The following SPPL2A variants were observed in gnomAD, a reference collection of about 807,000 sequenced individuals.
SPPL2A encodes signal peptide peptidase-like 2A.
Under a neutral mutation model 63.8 loss-of-function variants are expected in SPPL2A, and 51 were observed. The ratio of observed to expected loss-of-function variants is 0.80; its 90% CI spans 0.64 to 1.01. The LOEUF (loss-of-function observed/expected upper bound fraction) is 1.01, where lower values mean the gene tolerates loss of function less well. Ranked by LOEUF, SPPL2A falls within the 50% of genes least tolerant of loss-of-function variation. The pLI is 0.00. For synonymous variants in SPPL2A, 188 were observed against 205.8 expected, an observed-to-expected ratio of 0.91 and a Z score of 0.74; for missense variants, 553 against 622.7, an observed-to-expected ratio of 0.89 and a Z score of 1.19.
In SPPL2A at chr15:50,707,732, A is replaced by T. The variant is rs2062521766; in HGVS notation, c.*68T>A. The T allele has an allele frequency of 2.4e-6, 2 of 825,440 alleles. No homozygotes were observed. The highest frequency in any genetic ancestry group is 4.1e-6 in the Non-Finnish European group (2 of 483,704). The allele number at this position is 825,440 out of a possible 1,614,324, so 51.1% of individuals were successfully genotyped here. On this transcript the variant is annotated 3_prime_UTR_variant, in exon 15 of 15. Transcript: ENST00000261854. Reference sequence around the variant, plus strand: ...GACTCTTTCAGATTGTCAATTCAAAAGTCAATTTAAAAAGTCGAAGTCTAT... The same window carrying T: ...GACTCTTTCAGATTGTCAATTCAAATGTCAATTTAAAAAGTCGAAGTCTAT...
intron 14 of SPPL2A, among the ~76,000 whole-genome samples, chr15:50,709,005 C>G (rs1474902444): frequency 6.6e-6 from 1 of 151,848 alleles, no homozygotes; most frequent in East Asian, 1.9e-4. Context: ...CTACTGCGCT[C>G]CAGCCTGGGT....
At chr15:50,720,595 C>T (rs966658426) in intron 13 of SPPL2A, among the ~76,000 whole-genome samples, 4 of 149,730 alleles carry the variant, frequency 2.7e-5, no homozygotes, top group African/African-American at 9.8e-5. Context: ...TCTCAGCTCA[C>T]CGCAACCTCT....
At chr15:50,744,543 T>C (rs1746067113) in intron 5 of SPPL2A, among the ~76,000 whole-genome samples, 1 of 152,186 alleles carries the variant, frequency 6.6e-6, no homozygotes, top group South Asian at 2.1e-4. Context: ...CTCTTTTTAA[T>C]TTAGAGCCAA....
intron 1 of SPPL2A, among the ~76,000 whole-genome samples, chr15:50,758,010 C>T (rs62018813): frequency 0.023 from 3,206 of 137,824 alleles, 49 homozygotes; most frequent in Middle Eastern, 0.12. Flanking sequence ...AAAAAAAGGC[C>T]GGGCGCGGTG....
intron 14 of SPPL2A, among the ~76,000 whole-genome samples, chr15:50,714,828 AG>A (rs2062589185): frequency 6.6e-6 from 1 of 151,624 alleles, no homozygotes; most frequent in Non-Finnish European, 1.5e-5. Context: ...CTATAATCCC[AG>A]CTACTTGAGA....
At chr15:50,715,612 G>A (rs1472945619) in intron 14 of SPPL2A, among the ~76,000 whole-genome samples, 1 of 151,718 alleles carries the variant, frequency 6.6e-6, no homozygotes, top group African/African-American at 2.4e-5. Flanking sequence ...GGGTGGGGGT[G>A]GGGGAAGAAT....
chr15:50,713,200 T>C (rs1017207969), intron 14 of SPPL2A, among the ~76,000 whole-genome samples: 18 of 152,164 alleles, frequency 1.2e-4, no homozygotes, highest in African/African-American at 4.3e-4. Context: ...GGAAATAATT[T>C]TGTAAAGGCA....
At chr15:50,759,104 A>T (rs1234854163) in intron 1 of SPPL2A, among the ~76,000 whole-genome samples, 6 of 151,846 alleles carry the variant, frequency 4.0e-5, no homozygotes, top group Admixed American at 3.9e-4. Context: ...TCTTACTATT[A>T]TACTGCGCAG....
At position 50,736,212 on chromosome 15, in the gene SPPL2A, A is replaced by G. The variant is rs1371610296; in HGVS notation, c.831-10T>C. 6.6e-7 allele frequency: 1 copy of G among 1,518,680 alleles called. No homozygotes were observed. The highest frequency in any genetic ancestry group is 1.7e-5 in the Admixed American group (1 of 59,816). The allele number at this position is 1,518,680 out of a possible 1,614,324, so 94.1% of individuals were successfully genotyped here. On this transcript the variant is annotated splice_polypyrimidine_tract_variant and intron_variant, in intron 7 of 14. Transcript: ENST00000261854. Reference sequence around the variant, plus strand: ...GCCACGACATGCAATCCTAAAAAACAGATTAAAATAGTTAACACTGCAGAT... The same window carrying G: ...GCCACGACATGCAATCCTAAAAAACGGATTAAAATAGTTAACACTGCAGAT...
At chr15:50,713,485 G>A (rs571691328) in intron 14 of SPPL2A, among the ~76,000 whole-genome samples, 4 of 151,562 alleles carry the variant, frequency 2.6e-5, no homozygotes, top group African/African-American at 4.8e-5. Context: ...GACTAGTCTC[G>A]AACTCCTGAC....
intron 5 of SPPL2A, among the ~76,000 whole-genome samples, chr15:50,741,701 T>C (rs975594844): frequency 6.6e-6 from 1 of 152,162 alleles, no homozygotes; most frequent in African/African-American, 2.4e-5. Flanking sequence ...GTGTGGTGGC[T>C]CACACTTGTG....
chr15:50,757,196 C>T (rs1266284797), intron 1 of SPPL2A, among the ~76,000 whole-genome samples: 1 of 151,468 alleles, frequency 6.6e-6, no homozygotes, highest in East Asian at 1.9e-4. Context: ...CATTCTCCTG[C>T]CTCAGCCTCC....
Position 50,732,592 on chromosome 15 carries a change from G to A in SPPL2A, c.1014+11C>T, listed in dbSNP as rs780976259. 4.7e-6 allele frequency: 7 copies of A among 1,503,834 alleles called. No individual in the cohort carries two copies. The highest frequency in any genetic ancestry group is 1.4e-5 in the African/African-American group (1 of 72,678). The allele number at this position is 1,503,834 out of a possible 1,614,324, so 93.2% of individuals were successfully genotyped here. ...TTATTTTAACTAGCAAAGTAGTATT[G>A]TATACATTACCTTGAAGTTGGGCAA... On this transcript the variant is annotated intron_variant, in intron 9 of 14. Coordinates refer to ENST00000261854, the MANE Select transcript of SPPL2A (RefSeq NM_032802.4).
chr15:50,707,948 G>GATTCTTTTTCTAATTTTTCTA (rs752962027), intron 14 of SPPL2A, 74 bp from the exon 15 acceptor site: 11 of 795,154 alleles, frequency 1.4e-5, no homozygotes, highest in Non-Finnish European at 2.2e-5. Context: ...TTAGCAAAAG[G>GATTCTTTTTCTAATTTTTCTA]ATTCTTTTTC....
intron 5 of SPPL2A, among the ~76,000 whole-genome samples, chr15:50,744,896 G>C (rs2062846969): frequency 1.3e-5 from 2 of 151,996 alleles, no homozygotes; most frequent in Admixed American, 1.3e-4. Context: ...GTAATTTTAA[G>C]GATAATTTAT....
intron 14 of SPPL2A, among the ~76,000 whole-genome samples, chr15:50,719,337 T>TG (rs1384678679): frequency 6.6e-6 from 1 of 152,140 alleles, no homozygotes; most frequent in African/African-American, 2.4e-5. Context: ...CTCTGCCTCC[T>TG]GGGTTCAAGT....
intron 2 of SPPL2A, among the ~76,000 whole-genome samples, chr15:50,749,292 A>T (rs1431343024): frequency 2.0e-5 from 3 of 146,438 alleles, no homozygotes; most frequent in African/African-American, 7.5e-5. Context: ...CTTCTTCACT[A>T]TTTTTTTTTT....
chr15:50,759,163 C>T lies in SPPL2A; in HGVS notation c.66+6305G>A, dbSNP rs922120213. ...AAGCAATCCTCCTGCCTCAGCCTCCCGAAGTGCTGGTATTACAGGCATGAG... is the reference window on the plus strand; with the variant it reads ...AAGCAATCCTCCTGCCTCAGCCTCCTGAAGTGCTGGTATTACAGGCATGAG... On this transcript the variant is annotated intron_variant, in intron 1 of 14. Transcript: ENST00000261854. Among the ~76,000 whole-genome samples, 6 of 152,218 alleles carry T rather than the reference C, an allele frequency of 3.9e-5. No individual in the cohort carries two copies. The South Asian group carries it at 8.3e-4, about 21-fold the overall frequency.
chr15:50,712,072 T>TA (rs1241015561), intron 14 of SPPL2A, among the ~76,000 whole-genome samples: 1 of 152,186 alleles, frequency 6.6e-6, no homozygotes, highest in Non-Finnish European at 1.5e-5. Context: ...GATTGAGCAT[T>TA]AGAGGTGCAC....
Sources: gnomAD v4.1 joint callset for allele counts (sites outside exome capture counted in the v4.1 genomes callset) on GRCh38, gnomAD v4.1.1 for gene constraint, MANE v1.5 for transcripts, NCBI Gene and HGNC (gene_info 2026-07-23, HGNC 2026-07-21) for gene names.